The following CDH18 variants were observed in gnomAD, a reference collection of about 807,000 sequenced individuals.
The protein encoded by CDH18 is cadherin-18.
In CDH18, 31 loss-of-function variants were observed where a neutral mutation model predicts 67.9. That is an observed-to-expected ratio of 0.46 (90% CI 0.34 to 0.62). The LOEUF (loss-of-function observed/expected upper bound fraction) is 0.62, where lower values mean the gene tolerates loss of function less well. Among genes scored for constraint, CDH18 ranks in the 20% least tolerant of loss-of-function variants. The pLI, the probability that CDH18 is intolerant of heterozygous loss-of-function variation, is 0.01. For missense variants in CDH18, 890 were observed against 975.5 expected, an observed-to-expected ratio of 0.91 and a Z score of 1.17; for synonymous variants, 362 against 347.2, an observed-to-expected ratio of 1.04 and a Z score of -0.48.
At chr5:19,540,951 C>T (rs937753430) in intron 9 of CDH18, among the ~76,000 whole-genome samples, 1 of 152,166 alleles carries the variant, frequency 6.6e-6, no homozygotes, top group African/African-American at 2.4e-5. Flanking sequence ...GCTCGAATTT[C>T]TTCCCAGTTA....
At chr5:20,548,798 T>A (rs932980376) in intron 1 of CDH18, among the ~76,000 whole-genome samples, 77 of 152,320 alleles carry the variant, frequency 5.1e-4, no homozygotes, top group African/African-American at 1.8e-3. Context: ...TTTGCTCCAC[T>A]GTGCCTGGAC....
At chr5:19,616,822 T>C (rs1749911918) in intron 5 of CDH18, among the ~76,000 whole-genome samples, 1 of 152,180 alleles carries the variant, frequency 6.6e-6, no homozygotes, top group Admixed American at 6.5e-5. Flanking sequence ...GATGATTTTA[T>C]TCCTGGTGAG....
At chr5:20,390,523 C>T (rs1744751611) in intron 1 of CDH18, among the ~76,000 whole-genome samples, 2 of 152,156 alleles carry the variant, frequency 1.3e-5, no homozygotes, top group African/African-American at 4.8e-5. Context: ...AATAGGAACA[C>T]TTTTACACTG....
intron 1 of CDH18, among the ~76,000 whole-genome samples, chr5:20,531,592 A>G (rs1404477535): frequency 6.6e-6 from 1 of 152,068 alleles, no homozygotes; most frequent in Non-Finnish European, 1.5e-5. Flanking sequence ...TTTTCAAGGG[A>G]CATGGATCAA....
chr5:20,131,405 T>A (rs1351204394), intron 2 of CDH18, among the ~76,000 whole-genome samples: 1 of 152,054 alleles, frequency 6.6e-6, no homozygotes, highest in Non-Finnish European at 1.5e-5. Flanking sequence ...TATATATTTT[T>A]AAAATACTAT....
chr5:19,583,463 A>C (rs1482948836), intron 7 of CDH18, among the ~76,000 whole-genome samples: 1 of 152,168 alleles, frequency 6.6e-6, no homozygotes, highest in East Asian at 1.9e-4. Context: ...AAGAAACATG[A>C]AGACAGTATA....
At chr5:19,777,559 G>A (rs753201981) in intron 3 of CDH18, among the ~76,000 whole-genome samples, 1 of 152,144 alleles carries the variant, frequency 6.6e-6, no homozygotes, top group Non-Finnish European at 1.5e-5. Flanking sequence ...CAGGCACTAC[G>A]TTTGAAAAAG....
chr5:20,350,306 A>G (rs1295065551), intron 1 of CDH18, among the ~76,000 whole-genome samples: 2 of 152,120 alleles, frequency 1.3e-5, no homozygotes, highest in Admixed American at 6.6e-5. Flanking sequence ...AGTGATTTTT[A>G]ATATATGTGT....
intron 2 of CDH18, among the ~76,000 whole-genome samples, chr5:20,198,466 G>A (rs1396181722): frequency 1.3e-5 from 2 of 152,132 alleles, no homozygotes; most frequent in Non-Finnish European, 2.9e-5. Flanking sequence ...GATATCTGTG[G>A]AACTTTGAAC....
intron 5 of CDH18, among the ~76,000 whole-genome samples, chr5:19,630,789 G>T (rs896468903): frequency 6.6e-6 from 1 of 152,034 alleles, no homozygotes; most frequent in Non-Finnish European, 1.5e-5. Flanking sequence ...AATTTGCAAA[G>T]AGTTATTTAA....
intron 1 of CDH18, among the ~76,000 whole-genome samples, chr5:20,344,691 C>A (rs1441004598): frequency 6.6e-6 from 1 of 152,144 alleles, no homozygotes; most frequent in Admixed American, 6.5e-5. Flanking sequence ...TCAAGAAACT[C>A]ATTTCCCTCA....
chr5:20,093,634 TA>T (rs1745636927), intron 2 of CDH18, among the ~76,000 whole-genome samples: 1 of 152,266 alleles, frequency 6.6e-6, no homozygotes, highest in African/African-American at 2.4e-5. Flanking sequence ...GGTATAAAAC[TA>T]AATTTCAGAA....
At chr5:19,582,957 T>G (rs968746531) in intron 7 of CDH18, among the ~76,000 whole-genome samples, 1 of 151,906 alleles carries the variant, frequency 6.6e-6, no homozygotes, top group Non-Finnish European at 1.5e-5. Flanking sequence ...GGAACATATT[T>G]CATGTTTTTA....
intron 2 of CDH18, among the ~76,000 whole-genome samples, chr5:20,003,952 A>G (rs1024104996): frequency 3.9e-5 from 6 of 152,218 alleles, no homozygotes; most frequent in African/African-American, 1.2e-4. Context: ...ACATAATAAC[A>G]AAATAACTAT....
intron 1 of CDH18, among the ~76,000 whole-genome samples, chr5:20,409,643 C>A (rs1312019795): frequency 6.6e-6 from 1 of 150,904 alleles, no homozygotes; most frequent in African/African-American, 2.4e-5. Context: ...AGCAGAAGAA[C>A]ATAATAAAGA....
chr5:19,573,522 C>T (rs1022228928), intron 7 of CDH18, among the ~76,000 whole-genome samples: 43 of 152,128 alleles, frequency 2.8e-4, no homozygotes, highest in Admixed American at 2.0e-4. Flanking sequence ...TCGTGATCCA[C>T]CCACCTAGGC....
chr5:20,164,337 A>G (rs537682441), intron 2 of CDH18, among the ~76,000 whole-genome samples: 1 of 152,218 alleles, frequency 6.6e-6, no homozygotes, highest in South Asian at 2.1e-4. Context: ...CCCAGGCTGT[A>G]GTGCAGTGGT....
At chr5:19,602,613 T>C (rs148954233) in intron 6 of CDH18, among the ~76,000 whole-genome samples, 542 of 152,040 alleles carry the variant, frequency 3.6e-3, no homozygotes, top group Middle Eastern at 0.024. Context: ...TTGTGCCCTG[T>C]TAGTGGAGCA....
intron 1 of CDH18, among the ~76,000 whole-genome samples, chr5:20,499,568 C>T (rs769342709): frequency 5.9e-5 from 9 of 152,190 alleles, no homozygotes; most frequent in Non-Finnish European, 8.8e-5. Flanking sequence ...AACCTGTCCC[C>T]AGACCTTTAA....
Sources: gnomAD v4.1 joint callset for allele counts (sites outside exome capture counted in the v4.1 genomes callset) on GRCh38, gnomAD v4.1.1 for gene constraint, MANE v1.5 for transcripts, NCBI Gene and HGNC (gene_info 2026-07-23, HGNC 2026-07-21) for gene names.